Variants in AP2A1 observed in about 807,000 individuals in gnomAD.
The protein encoded by AP2A1 is AP-2 complex subunit alpha-1.
In AP2A1, 21 loss-of-function variants were observed where a neutral mutation model predicts 107.3. The ratio of observed to expected loss-of-function variants is 0.20; its 90% CI spans 0.14 to 0.28. AP2A1 has a LOEUF of 0.28. Ranked by LOEUF, AP2A1 falls within the 10% of genes least tolerant of loss-of-function variation. The pLI is 1.00. For synonymous variants in AP2A1, 602 were observed against 564.8 expected (o/e 1.07, Z -0.93); for missense variants, 873 against 1,307.7 (o/e 0.67, Z 5.13).
chr19:49,775,956 T>G (rs1336229298), intron 1 of AP2A1, among the ~76,000 whole-genome samples: 1 of 152,084 alleles, frequency 6.6e-6, no homozygotes, highest in Admixed American at 6.5e-5. Context: ...AGGGAAGGCG[T>G]TATCTCCCCT....
chr19:49,800,449 T>TTTTG (rs368442416), intron 11 of AP2A1, among the ~76,000 whole-genome samples: 4,664 of 152,120 alleles, frequency 0.031, 104 homozygotes, highest in South Asian at 0.12. Flanking sequence ...CAGTCCTGTT[T>TTTTG]TTTGTTTGTT....
At chr19:49,778,043 CT>C (rs2084634874) in intron 1 of AP2A1, among the ~76,000 whole-genome samples, 1 of 151,928 alleles carries the variant, frequency 6.6e-6, no homozygotes, top group Non-Finnish European at 1.5e-5. Flanking sequence ...ATATATATTT[CT>C]TTAAATTTAA....
intron 7 of AP2A1, among the ~76,000 whole-genome samples, chr19:49,795,942 C>T (rs567819966): frequency 3.9e-5 from 6 of 152,238 alleles, no homozygotes; most frequent in South Asian, 4.1e-4. Flanking sequence ...TGTGCAGCAT[C>T]GTGGATCAGC....
At chr19:49,772,120 C>T (rs2084565005) in intron 1 of AP2A1, among the ~76,000 whole-genome samples, 1 of 151,952 alleles carries the variant, frequency 6.6e-6, no homozygotes, top group East Asian at 1.9e-4. Flanking sequence ...TACAGTGGTG[C>T]GATCTCAGCT....
At chr19:49,802,439 C>T (rs749992989) in intron 15 of AP2A1, 2 of 1,230,590 alleles carry the variant, frequency 1.6e-6, no homozygotes, top group Admixed American at 1.9e-5. Flanking sequence ...CCGTCCCTCC[C>T]TCTCTGTCTC....
intron 5 of AP2A1, 41 bp downstream of exon 5, chr19:49,792,105 C>T: frequency 1.3e-6 from 2 of 1,597,218 alleles, no homozygotes; most frequent in South Asian, 2.2e-5. Flanking sequence ...CCCAGGGCTC[C>T]CACCTCAGCC....
At chr19:49,795,913 C>T (rs2073208155) in intron 7 of AP2A1, among the ~76,000 whole-genome samples, 175 bp downstream of exon 7, 2 of 152,244 alleles carry the variant, frequency 1.3e-5, no homozygotes, top group Admixed American at 6.5e-5. Flanking sequence ...GCAGGCAGCC[C>T]GAGGCCCAGC....
chr19:49,783,163 G>A (rs961118852), intron 4 of AP2A1, among the ~76,000 whole-genome samples: 7 of 152,204 alleles, frequency 4.6e-5, no homozygotes, highest in African/African-American at 1.7e-4. Context: ...ATGGTCTGGA[G>A]CAGGAGACAA....
Position 49,782,470 on chromosome 19 carries a change from G to T in AP2A1, c.280-61G>T, listed in dbSNP as rs924829158. ...GGGGCCTGGACTCCTGGGTCTGAGGGTTGGATCTGGGGCCACTCAGTCACA... is the reference window on the plus strand; with the variant it reads ...GGGGCCTGGACTCCTGGGTCTGAGGTTTGGATCTGGGGCCACTCAGTCACA... On this transcript the variant is annotated intron_variant, in intron 3 of 22. Transcript: ENST00000354293. 23 of 1,541,764 alleles carry T rather than the reference G, an allele frequency of 1.5e-5. No individual in the cohort carries two copies. The African/African-American group carries it at 2.7e-4, about 18-fold the overall frequency.
Position 49,795,719 on chromosome 19 carries a change from G to T in AP2A1, c.795G>T (p.Leu265=). 1 of 1,558,192 alleles carries T rather than the reference G, an allele frequency of 6.4e-7. No homozygotes were observed. ...PWLSVKLLRL[L]QCYPPPEDAA... ...TCTCGGTGAAGCTCCTGCGGCTGCTGCAGTGCTACCCGCCTCCAGGTAATG... is the reference window on the plus strand; with the variant it reads ...TCTCGGTGAAGCTCCTGCGGCTGCTTCAGTGCTACCCGCCTCCAGGTAATG... Residue 265 remains leucine, a synonymous_variant, in exon 7 of 23, where the codon CTG becomes CTT. Coordinates refer to ENST00000354293, the MANE Select transcript of AP2A1 (RefSeq NM_130787.3).
rs570506221 is a variant in AP2A1 at position 49,788,399 on chromosome 19, A to G, written c.474-3536A>G. Among the ~76,000 whole-genome samples, 8 of 152,286 alleles carry G rather than the reference A, an allele frequency of 5.3e-5. No individual in the cohort carries two copies. Among genetic ancestry groups the G allele is most frequent in the Non-Finnish European group, 1.0e-4 (7 of 68,038 alleles). ...GTATCCTTATCTGTAAATGGAGATG[A>G]TAGAATCCGCGTCCTTAGAGGGCTG... On this transcript the variant is annotated intron_variant, in intron 4 of 22. Coordinates refer to ENST00000354293, the MANE Select transcript of AP2A1 (RefSeq NM_130787.3). The surrounding 1 kb of genome is among the most constrained non-coding windows in gnomAD (Gnocchi z 4.5).
chr19:49,772,061 C>T (rs1182161593), intron 1 of AP2A1, among the ~76,000 whole-genome samples: 3 of 151,966 alleles, frequency 2.0e-5, no homozygotes, highest in African/African-American at 7.3e-5. Context: ...AAGACCCTGT[C>T]TCTCTTTCTT....
At position 49,805,887 on chromosome 19, in the gene AP2A1, G is replaced by A. The variant is rs759234919; in HGVS notation, c.2601G>A (p.Ala867=). ...CGGTCCCCAGCCCTCAACAGGAGGC[G>A]CAGAAAATCTTCAAAGCCAACCACC... ...WKQLSLPQQE[A]QKIFKANHPM... is the part of the protein sequence containing the mutation. Residue 867 remains alanine, a synonymous_variant, in exon 21 of 23, where the codon GCG becomes GCA. Transcript: ENST00000354293. The A allele has an allele frequency of 3.1e-6, 5 of 1,613,842 alleles. No individual in the cohort carries two copies. The South Asian group carries it at 3.3e-5, about 11-fold the overall frequency.
intron 7 of AP2A1, chr19:49,796,926 A>C (rs185773666): frequency 3.3e-5 from 5 of 152,154 alleles, no homozygotes; most frequent in African/African-American, 1.2e-4. Flanking sequence ...GTGTGTACAC[A>C]CTCTGAGTAT....
Position 49,799,709 on chromosome 19 carries a change from C to A in AP2A1, c.1215C>A (p.Ile405=). 6.2e-7 allele frequency: 1 copy of A among 1,613,402 alleles called. No individual in the cohort carries two copies. The highest frequency in any genetic ancestry group is 1.1e-5 in the South Asian group (1 of 91,090). Residue 405 remains isoleucine (I), a synonymous_variant, in exon 10 of 23, where the codon ATC becomes ATA. Coordinates refer to ENST00000354293, the MANE Select transcript of AP2A1 (RefSeq NM_130787.3). The part of the protein sequence containing the change: ...AMCDRSNAKQ[I]VSEMLRYLET... ...GTGACCGGAGCAATGCCAAGCAGATCGTGTCGGAGATGCTGCGGTACCTGG... is the reference window on the plus strand; with the variant it reads ...GTGACCGGAGCAATGCCAAGCAGATAGTGTCGGAGATGCTGCGGTACCTGG...
chr19:49,798,506 G>A (rs562737414), intron 7 of AP2A1, among the ~76,000 whole-genome samples: 1 of 152,320 alleles, frequency 6.6e-6, no homozygotes, highest in South Asian at 2.1e-4. Flanking sequence ...AGCTGCAGAT[G>A]AGGAAACTGA....
At chr19:49,782,126 C>T (rs1333602501) in intron 3 of AP2A1, 37 bp downstream of exon 3, 3 of 936,272 alleles carry the variant, frequency 3.2e-6, no homozygotes, top group Non-Finnish European at 4.2e-6. Context: ...GCCTGGACTC[C>T]TGGGTCTGCG....
rs1425673464 is a variant in AP2A1 at position 49,792,157 on chromosome 19, C to A, written c.603+93C>A. The A allele has an allele frequency of 3.7e-6, 5 of 1,362,686 alleles. No homozygotes were observed. In the African/African-American group the frequency reaches 4.5e-5, roughly 12 times the overall value. 84.4% of individuals were successfully genotyped at this position (1,362,686 alleles called of 1,614,324 possible). Reference sequence around the variant, plus strand: ...CCCGGGGCTCCCACCTCAGCCCTCACACCCCCGGATACCCAGGGCTCCCAC... The same window carrying A: ...CCCGGGGCTCCCACCTCAGCCCTCAAACCCCCGGATACCCAGGGCTCCCAC... On this transcript the variant is annotated intron_variant, in intron 5 of 22. Coordinates refer to ENST00000354293, the MANE Select transcript of AP2A1 (RefSeq NM_130787.3).
chr19:49,767,824 G>A (rs1261201763), intron 1 of AP2A1, among the ~76,000 whole-genome samples: 1 of 152,000 alleles, frequency 6.6e-6, no homozygotes, highest in African/African-American at 2.4e-5. Flanking sequence ...CCTGGTGAAG[G>A]ATAGAGGGGC....
Sources: allele counts gnomAD v4.1 joint callset (sites outside exome capture counted in the v4.1 genomes callset), GRCh38; gene constraint gnomAD v4.1.1; non-coding constraint Gnocchi (gnomAD v3.1); transcripts MANE v1.5; gene names NCBI Gene and HGNC (gene_info 2026-07-23, HGNC 2026-07-21).